The following RNF212B variants were observed in gnomAD, a reference collection of about 807,000 sequenced individuals.
The protein encoded by RNF212B is E3 ubiquitin-protein ligase RNF212B.
Under a neutral mutation model 55.5 loss-of-function variants are expected in RNF212B, and 52 were observed. The ratio of observed to expected loss-of-function variants is 0.94; its 90% CI spans 0.75 to 1.18. RNF212B has a LOEUF of 1.18. RNF212B is among the 50% of genes most tolerant of loss of function. The pLI is 0.00. For synonymous variants in RNF212B, 99 were observed against 121.4 expected, an observed-to-expected ratio of 0.82 and a Z score of 1.21; for missense variants, 289 against 350.4, an observed-to-expected ratio of 0.82 and a Z score of 1.40.
intron 1 of RNF212B, among the ~76,000 whole-genome samples, chr14:23,191,634 G>C (rs962188373): frequency 6.6e-6 from 1 of 152,100 alleles, no homozygotes; most frequent in African/African-American, 2.4e-5. Context: ...AATAACATAG[G>C]AGGAAGAATA....
chr14:23,228,199 T>G lies in RNF212B; in HGVS notation c.-1-12146T>G, dbSNP rs369427035. Among the ~76,000 whole-genome samples, 30 of 151,998 alleles carry G rather than the reference T, an allele frequency of 2.0e-4. No individual in the cohort carries two copies. In the East Asian group the frequency reaches 5.6e-3, roughly 28 times the overall value. ...GTGAGCTGAGATCGTGCCATCACAC[T>G]CCAGCCTGGGTGACGAGAGCGAAAC... is the stretch of plus-strand genomic sequence containing the variant. On this transcript the variant is annotated intron_variant, in intron 2 of 15. Transcript: ENST00000399910.
chr14:23,255,968 C>T (rs963036146), intron 4 of RNF212B, among the ~76,000 whole-genome samples: 1 of 152,160 alleles, frequency 6.6e-6, no homozygotes, highest in African/African-American at 2.4e-5. Flanking sequence ...TGGTTGTTTT[C>T]TGGACTGGTC....
chr14:23,213,269 C>T (rs1177917091), intron 2 of RNF212B, among the ~76,000 whole-genome samples: 1 of 151,322 alleles, frequency 6.6e-6, no homozygotes, highest in Admixed American at 6.6e-5. Flanking sequence ...GCCGAGATCG[C>T]ACCACTGCAC....
At chr14:23,230,518 G>A (rs1311018936) in intron 2 of RNF212B, among the ~76,000 whole-genome samples, 2 of 151,942 alleles carry the variant, frequency 1.3e-5, no homozygotes, top group African/African-American at 4.8e-5. Context: ...GCCGGGTGTG[G>A]TGGCGGGGGC....
intron 2 of RNF212B, among the ~76,000 whole-genome samples, chr14:23,193,969 G>A (rs1368917066): frequency 6.6e-6 from 1 of 152,104 alleles, no homozygotes; most frequent in African/African-American, 2.4e-5. Flanking sequence ...AGCCTCCCAA[G>A]TAGATGGGAT....
chr14:23,232,816 C>A (rs969964464), intron 2 of RNF212B, among the ~76,000 whole-genome samples: 1 of 147,162 alleles, frequency 6.8e-6, no homozygotes, highest in African/African-American at 2.5e-5. Flanking sequence ...CCGGCCGCCA[C>A]CCTGTCTGGG....
At chr14:23,223,394 C>T (rs930571433) in intron 2 of RNF212B, among the ~76,000 whole-genome samples, 4 of 151,350 alleles carry the variant, frequency 2.6e-5, no homozygotes, top group Admixed American at 6.6e-5. Flanking sequence ...CTTGCTCTGT[C>T]GCTCAGGCTG....
At chr14:23,240,679 T>G (rs528424377) in intron 2 of RNF212B, among the ~76,000 whole-genome samples, 1 of 152,322 alleles carries the variant, frequency 6.6e-6, no homozygotes, top group African/African-American at 2.4e-5. Context: ...TAGAATGTAC[T>G]CGTTAGTGTT....
rs1445939380 is a variant in RNF212B at position 23,262,974 on chromosome 14, A to C, written c.524+4A>C. The C allele has an allele frequency of 1.3e-6, 2 of 1,550,086 alleles. No individual in the cohort carries two copies. The highest frequency in any genetic ancestry group is 4.9e-5 in the East Asian group (2 of 40,922). On this transcript the variant is annotated splice_donor_region_variant and intron_variant, in intron 9 of 14. Transcript: ENST00000430154. ...AGCATAGCAGTCAAGTGGTCAGGTA[A>C]ACCTACACAGCAACATTAAAACTGT...
intron 2 of RNF212B, among the ~76,000 whole-genome samples, chr14:23,242,004 C>G (rs1282164554): frequency 1.4e-5 from 2 of 147,496 alleles, no homozygotes; most frequent in Non-Finnish European, 3.0e-5. Flanking sequence ...ATGGTGTGAA[C>G]CCCGGAGGCA....
intron 2 of RNF212B, among the ~76,000 whole-genome samples, chr14:23,207,950 GATAAATGAGACATTGCA>G (rs1409325943): frequency 6.6e-6 from 1 of 152,216 alleles, no homozygotes; most frequent in Non-Finnish European, 1.5e-5. Context: ...CCAGGTCACA[GATAAATGAGACATTGCA>G]TTCTTTTGAG....
chr14:23,231,147 G>GA (rs1882580491), intron 2 of RNF212B, among the ~76,000 whole-genome samples: 1 of 152,006 alleles, frequency 6.6e-6, no homozygotes, highest in Admixed American at 6.6e-5. Flanking sequence ...TTCAATTTCT[G>GA]AAAAAATAGT....
chr14:23,260,649 TC>T lies in RNF212B; in HGVS notation c.406-9del. 6.4e-7 allele frequency: 1 copy of T among 1,550,474 alleles called. No individual in the cohort carries two copies. Among genetic ancestry groups the T allele is most frequent in the African/African-American group, 1.4e-5 (1 of 73,170 alleles). The stretch of plus-strand genomic sequence containing the variant: ...GCAGCTTTCTTCACTCCTGGTTTTT[TC>T]ACCTATAGGAATCTCCAAGTCGGTA... On this transcript the variant is annotated splice_polypyrimidine_tract_variant and intron_variant, in intron 6 of 14. Coordinates refer to ENST00000430154, the MANE Select transcript of RNF212B (RefSeq NM_001282322.3).
intron 2 of RNF212B, among the ~76,000 whole-genome samples, chr14:23,211,633 G>A (rs1002349272): frequency 2.0e-5 from 3 of 152,072 alleles, no homozygotes; most frequent in Admixed American, 6.6e-5. Context: ...AGGATAATAC[G>A]TCATGAACAA....
intron 2 of RNF212B, among the ~76,000 whole-genome samples, chr14:23,215,170 T>G (rs185627612): frequency 6.6e-6 from 1 of 152,262 alleles, no homozygotes; most frequent in East Asian, 1.9e-4. Flanking sequence ...TTTAAAAGTG[T>G]TTGGCAGTTC....
At chr14:23,250,753 GT>G (rs918888835) in intron 4 of RNF212B, among the ~76,000 whole-genome samples, 3 of 152,132 alleles carry the variant, frequency 2.0e-5, no homozygotes, top group Non-Finnish European at 4.4e-5. Context: ...GTACAGTTTG[GT>G]TTTATACATT....
intron 12 of RNF212B, among the ~76,000 whole-genome samples, 149 bp from the exon 13 acceptor site, chr14:23,269,711 CAAA>C (rs956501851): frequency 7.8e-6 from 1 of 127,568 alleles, no homozygotes; most frequent in Non-Finnish European, 1.7e-5. Context: ...GACCCTGTCT[CAAA>C]AAAAAAAAAA....
chr14:23,204,308 T>C (rs1421109846), intron 2 of RNF212B, among the ~76,000 whole-genome samples: 2 of 152,246 alleles, frequency 1.3e-5, no homozygotes, highest in African/African-American at 2.4e-5. Context: ...CCTAAGCCAA[T>C]GTCTAGAAGC....
upstream of RNF212B, among the ~76,000 whole-genome samples, chr14:23,233,096 TATG>T (rs1882833667): frequency 6.6e-6 from 1 of 152,242 alleles, no homozygotes; most frequent in Non-Finnish European, 1.5e-5. Flanking sequence ...GCTGTTGATC[TATG>T]ACCTTACCCC....
Sources: allele counts gnomAD v4.1 joint callset (sites outside exome capture counted in the v4.1 genomes callset), GRCh38; gene constraint gnomAD v4.1.1; transcripts MANE v1.5; gene names NCBI Gene and HGNC (gene_info 2026-07-23, HGNC 2026-07-21).